Variants in PAX7 observed in about 807,000 individuals in gnomAD.
The protein encoded by PAX7 is paired box protein Pax-7.
PAX7 carries 18 observed loss-of-function variants against 50.7 expected under a neutral mutation model. The observed-to-expected ratio is 0.36, with a 90% CI of 0.25 to 0.53. PAX7 has a LOEUF of 0.53. Ranked by LOEUF, PAX7 falls within the 20% of genes least tolerant of loss-of-function variation. The pLI, the probability that PAX7 is intolerant of heterozygous loss-of-function variation, is 0.93. For synonymous variants in PAX7, 310 were observed against 290.4 expected (o/e 1.07, Z -0.69); for missense variants, 644 against 702.9 (o/e 0.92, Z 0.95).
In PAX7 at chr1:18,634,236, AC is replaced by A. The variant is rs911417467; in HGVS notation, c.86-66del. 3 of 1,280,886 alleles carry A rather than the reference AC, an allele frequency of 2.3e-6. No homozygotes were observed. The African/African-American group carries it at 4.4e-5, about 19-fold the overall frequency. 79.3% of individuals were successfully genotyped at this position (1,280,886 alleles called of 1,614,324 possible). ...AAACAAAACTGGAGTCAGGGAGTGT[AC>A]TCAGTGTCTGCTCTCCATCCTCACC... On this transcript the variant is annotated intron_variant, in intron 1 of 8. Transcript: ENST00000420770. This position sits in a 1 kb window ranked among gnomAD's most constrained non-coding sequence, Gnocchi z 4.0.
At chr1:18,681,081 C>T (rs1028994923) in intron 4 of PAX7, among the ~76,000 whole-genome samples, 7 of 143,430 alleles carry the variant, frequency 4.9e-5, no homozygotes, top group South Asian at 4.5e-4. Flanking sequence ...GCAGGAGAAT[C>T]GCTTGAACCT....
At chr1:18,684,751 G>A (rs72650315) in intron 4 of PAX7, among the ~76,000 whole-genome samples, 16,447 of 152,222 alleles carry the variant, frequency 0.11, 1,049 homozygotes, top group Non-Finnish European at 0.14. Context: ...TTTCTCTGCC[G>A]CAGCTCAACA....
chr1:18,640,023 A>G (rs2088226742), intron 4 of PAX7, among the ~76,000 whole-genome samples: 1 of 151,550 alleles, frequency 6.6e-6, no homozygotes, highest in Admixed American at 6.6e-5. Context: ...GTCAAAGTCC[A>G]GGTGGAGAAT....
rs542234411 is a variant in PAX7, at chr1:18,727,819, C to T, written c.1156-7813C>T. On this transcript the variant is annotated intron_variant, in intron 7 of 8. Transcript: ENST00000420770. Reference sequence around the variant, plus strand: ...TGCCCACACGGCAGGTGCAGGGCTTCGGTGTGGGATGCTGGTAGTGGAGGG... The same window carrying T: ...TGCCCACACGGCAGGTGCAGGGCTTTGGTGTGGGATGCTGGTAGTGGAGGG... Among the ~76,000 whole-genome samples the T allele has an allele frequency of 6.6e-5, 10 of 151,912 alleles. No homozygotes were observed. In the South Asian group the frequency reaches 1.0e-3, roughly 16 times the overall value.
At chr1:18,709,980 G>A (rs2089330483) in intron 7 of PAX7, among the ~76,000 whole-genome samples, 1 of 152,198 alleles carries the variant, frequency 6.6e-6, no homozygotes, top group African/African-American at 2.4e-5. Flanking sequence ...TTATTTATTT[G>A]TGAATGGGGT....
At chr1:18,642,105 A>G (rs573762383) in intron 4 of PAX7, among the ~76,000 whole-genome samples, 1 of 151,782 alleles carries the variant, frequency 6.6e-6, no homozygotes, top group East Asian at 1.9e-4. Flanking sequence ...TGTCTTTCTG[A>G]AAATGATAGT....
chr1:18,715,161 G>A (rs1040541797), intron 7 of PAX7, among the ~76,000 whole-genome samples: 2 of 152,068 alleles, frequency 1.3e-5, no homozygotes, highest in Non-Finnish European at 2.9e-5. Flanking sequence ...CCTTGGCCGG[G>A]AACACCTTCT....
rs199864904 is a variant in PAX7, at chr1:18,672,360, TATA to T, written c.587-19389_587-19387del. ...TCTCTTACAGAATACATAAGATTCT[TATA>T]ATAAAATATCAACTTTTTTTTGTTT... On this transcript the variant is annotated intron_variant, in intron 4 of 8. Coordinates refer to ENST00000420770, the MANE Select transcript of PAX7 (RefSeq NM_001135254.2). Among the ~76,000 whole-genome samples the T allele has an allele frequency of 6.8e-3, 1,031 of 152,264 alleles. 13 individuals carry two copies. Among genetic ancestry groups the T allele is most frequent in the African/African-American group, 0.023 (974 of 41,550 alleles).
chr1:18,690,072 A>G (rs1383719752), intron 4 of PAX7, among the ~76,000 whole-genome samples: 1 of 152,302 alleles, frequency 6.6e-6, no homozygotes, highest in East Asian at 1.9e-4. Context: ...AGGTCTCCCA[A>G]GATCTTCTAG....
chr1:18,687,605 T>C (rs1423967122), intron 4 of PAX7, among the ~76,000 whole-genome samples: 1 of 152,112 alleles, frequency 6.6e-6, no homozygotes, highest in Non-Finnish European at 1.5e-5. Context: ...CCCCTGAGCT[T>C]GGCCAAGGCG....
chr1:18,697,402 C>T (rs1343257854), intron 5 of PAX7, among the ~76,000 whole-genome samples: 2 of 152,202 alleles, frequency 1.3e-5, no homozygotes, highest in Non-Finnish European at 2.9e-5. Flanking sequence ...TCAGCTATCT[C>T]AGAGGGTCTC....
At chr1:18,695,444 T>C (rs992867151) in intron 5 of PAX7, among the ~76,000 whole-genome samples, 1 of 152,200 alleles carries the variant, frequency 6.6e-6, no homozygotes, top group African/African-American at 2.4e-5. Flanking sequence ...GGCATTCTCA[T>C]AAATACGTGC....
At chr1:18,686,101 T>C (rs2088970859) in intron 4 of PAX7, among the ~76,000 whole-genome samples, 1 of 152,356 alleles carries the variant, frequency 6.6e-6, no homozygotes, top group East Asian at 1.9e-4. Context: ...ACGTCTGTCC[T>C]GTGCCCCGGT....
chr1:18,690,550 A>C (rs2089053437), intron 4 of PAX7, among the ~76,000 whole-genome samples: 1 of 152,202 alleles, frequency 6.6e-6, no homozygotes, highest in South Asian at 2.1e-4. Flanking sequence ...GAGGCTGAGC[A>C]GGGGCTTCCT....
chr1:18,695,369 G>T (rs1406072866), intron 5 of PAX7, among the ~76,000 whole-genome samples: 1 of 152,240 alleles, frequency 6.6e-6, no homozygotes, highest in Non-Finnish European at 1.5e-5. Context: ...AGTACTTGCT[G>T]TGTGCCAGGC....
chr1:18,702,336 C>A lies in PAX7; in HGVS notation c.953-758C>A, dbSNP rs560494139. On this transcript the variant is annotated intron_variant, in intron 6 of 8. Transcript: ENST00000420770. Reference sequence around the variant, plus strand: ...CCTGGGCGACAGAGTGAGACTCCATCTCAAAAAAAAAATTAAATTTTAAAA... The same window carrying A: ...CCTGGGCGACAGAGTGAGACTCCATATCAAAAAAAAAATTAAATTTTAAAA... 3.1e-3 allele frequency among the ~76,000 whole-genome samples: 463 copies of A among 151,784 alleles called. 5 individuals carry two copies. The highest frequency in any genetic ancestry group is 0.011 in the African/African-American group (446 of 41,376).
rs373662467 is a variant in PAX7 at position 18,747,836 on chromosome 1, C to A, written c.*2907C>A. Reference sequence around the variant, plus strand: ...ATATATACTAAAAAAGGAAAGAAATCCCCCACAGTGTGTGTCGTGCTAGTG... The same window carrying A: ...ATATATACTAAAAAAGGAAAGAAATACCCCACAGTGTGTGTCGTGCTAGTG... On this transcript the variant is annotated 3_prime_UTR_variant, in exon 9 of 9. Coordinates refer to ENST00000420770, the MANE Select transcript of PAX7 (RefSeq NM_001135254.2). The A allele has an allele frequency of 8.2e-4, 156 of 190,784 alleles. 1 individual carries two copies. Among genetic ancestry groups the A allele is most frequent in the African/African-American group, 3.4e-3 (148 of 43,028 alleles). The allele number at this position is 190,784 out of a possible 1,614,324, so 11.8% of individuals were successfully genotyped here. A position where few individuals can be genotyped will look rare whatever the true frequency, so the allele number is the denominator to read the frequency against.
At chr1:18,706,563 G>A (rs1268275970) in intron 7 of PAX7, among the ~76,000 whole-genome samples, 1 of 149,680 alleles carries the variant, frequency 6.7e-6, no homozygotes, top group Non-Finnish European at 1.5e-5. Flanking sequence ...CTGGGTTCAA[G>A]CAATTCTCCT....
intron 8 of PAX7, among the ~76,000 whole-genome samples, chr1:18,737,268 G>A (rs963611401): frequency 2.6e-5 from 4 of 152,234 alleles, no homozygotes; most frequent in African/African-American, 9.6e-5. Flanking sequence ...CCCCATCCCT[G>A]AGGGTGTCCT....
Sources: gnomAD v4.1 joint callset for allele counts (sites outside exome capture counted in the v4.1 genomes callset) on GRCh38, gnomAD v4.1.1 for gene constraint, Gnocchi (gnomAD v3.1) non-coding constraint, MANE v1.5 for transcripts, NCBI Gene and HGNC (gene_info 2026-07-23, HGNC 2026-07-21) for gene names.